CADPS2: variants seen among roughly 807,000 people sequenced by gnomAD.
CADPS2 encodes the protein calcium dependent secretion activator 2, also known as calcium-dependent secretion activator 2.
CADPS2 carries 93 observed loss-of-function variants against 172.5 expected under a neutral mutation model. The ratio of observed to expected loss-of-function variants is 0.54; its 90% CI spans 0.46 to 0.64. The LOEUF is 0.64. Ranked by LOEUF, CADPS2 falls within the 30% of genes least tolerant of loss-of-function variation. The pLI is 0.00. For synonymous variants in CADPS2, 546 were observed against 555.2 expected (o/e 0.98, Z 0.23); for missense variants, 1,420 against 1,565.9 (o/e 0.91, Z 1.57).
intron 1 of CADPS2, among the ~76,000 whole-genome samples, chr7:122,876,180 T>A (rs1280463821): frequency 1.3e-5 from 2 of 151,836 alleles, no homozygotes; most frequent in Admixed American, 6.6e-5. Context: ...ATTAGCCGGG[T>A]GTGGTGGTGC....
intron 3 of CADPS2, among the ~76,000 whole-genome samples, chr7:122,646,971 A>T (rs2078630616): frequency 6.6e-6 from 1 of 152,284 alleles, no homozygotes; most frequent in South Asian, 2.1e-4. Context: ...AAGGCAATAA[A>T]AAAGGAAGGG....
At position 122,401,013 on chromosome 7, in the gene CADPS2, T is replaced by C. The variant is rs549299322; in HGVS notation, c.2746+6527A>G. ...CTTCATTTCTTAATGAGTTTTTTGATAATGAGAGGTGACTTTGCCAGTCAC... is the reference window on the plus strand; with the variant it reads ...CTTCATTTCTTAATGAGTTTTTTGACAATGAGAGGTGACTTTGCCAGTCAC... On this transcript the variant is annotated intron_variant, in intron 20 of 29. Transcript: ENST00000449022. Among the ~76,000 whole-genome samples the C allele has an allele frequency of 9.2e-5, 14 of 152,328 alleles. No individual in the cohort carries two copies. The South Asian group carries it at 1.7e-3, about 18-fold the overall frequency.
chr7:122,320,339 C>A lies in CADPS2; in HGVS notation c.3718-1G>T. 6.3e-7 allele frequency: 1 copy of A among 1,590,278 alleles called. No individual in the cohort carries two copies. The highest frequency in any genetic ancestry group is 1.4e-5 in the African/African-American group (1 of 73,934). ...GCAATCGAAAGTCCCTGTAGGTTTT[C>A]TGAAGAAAGAAGATAAAATTTGCTT... On this transcript the variant is annotated splice_acceptor_variant, in intron 29 of 29. Transcript: ENST00000449022. LOFTEE classifies it high-confidence loss of function.
intron 1 of CADPS2, among the ~76,000 whole-genome samples, chr7:122,753,392 AC>A (rs2093028638): frequency 1.3e-5 from 2 of 152,216 alleles, no homozygotes; most frequent in African/African-American, 4.8e-5. Flanking sequence ...AACTGCCTCA[AC>A]TTTTATTTAA....
intron 7 of CADPS2, among the ~76,000 whole-genome samples, chr7:122,568,690 AAAAAT>A (rs1459917684): frequency 6.6e-6 from 1 of 152,164 alleles, no homozygotes; most frequent in Non-Finnish European, 1.5e-5. Flanking sequence ...AAAATTAACT[AAAAAT>A]AAATCAAAGA....
intron 2 of CADPS2, among the ~76,000 whole-genome samples, chr7:122,687,436 TAAGA>T: frequency 6.6e-6 from 1 of 152,328 alleles, no homozygotes; most frequent in East Asian, 1.9e-4. Flanking sequence ...GGGTAGTGGT[TAAGA>T]CCATGAGCTG....
chr7:122,412,047 C>T (rs1201046522), intron 19 of CADPS2, among the ~76,000 whole-genome samples: 1 of 152,122 alleles, frequency 6.6e-6, no homozygotes, highest in African/African-American at 2.4e-5. Flanking sequence ...CATGCTCATG[C>T]AATTGGTTTT....
intron 17 of CADPS2, among the ~76,000 whole-genome samples, chr7:122,431,815 C>T (rs2049955024): frequency 1.3e-5 from 2 of 151,278 alleles, no homozygotes; most frequent in African/African-American, 4.9e-5. Context: ...ATGGTGAAAC[C>T]CCGGCTCTAC....
intron 1 of CADPS2, among the ~76,000 whole-genome samples, chr7:122,815,903 T>C (rs1012091388): frequency 2.6e-5 from 4 of 152,216 alleles, no homozygotes; most frequent in South Asian, 2.1e-4. Context: ...TGATACCTAA[T>C]AGTTGTACAT....
At chr7:122,705,599 ATATAT>A (rs1348439441) in intron 2 of CADPS2, among the ~76,000 whole-genome samples, 16 of 108,574 alleles carry the variant, frequency 1.5e-4, no homozygotes, top group African/African-American at 3.0e-4. Context: ...AATATATTTT[ATATAT>A]TATATAACAT....
intron 1 of CADPS2, among the ~76,000 whole-genome samples, chr7:122,737,809 G>C (rs2092259513): frequency 6.6e-6 from 1 of 152,120 alleles, no homozygotes; most frequent in Admixed American, 6.6e-5. Context: ...GAGGAGCTTA[G>C]AGATGAGGGA....
chr7:122,470,536 C>T (rs776577158), intron 14 of CADPS2, among the ~76,000 whole-genome samples: 3 of 151,776 alleles, frequency 2.0e-5, no homozygotes, highest in Non-Finnish European at 4.4e-5. Flanking sequence ...GTTCTGTTAC[C>T]TAGGCTGGAG....
chr7:122,593,742 G>A (rs897641399), intron 6 of CADPS2, among the ~76,000 whole-genome samples: 2 of 151,726 alleles, frequency 1.3e-5, no homozygotes, highest in African/African-American at 4.8e-5. Context: ...AAGAGAGAGA[G>A]CAATAGAGAC....
chr7:122,778,822 T>C (rs1201048110), intron 1 of CADPS2, among the ~76,000 whole-genome samples: 7 of 152,192 alleles, frequency 4.6e-5, no homozygotes, highest in Non-Finnish European at 8.8e-5. Context: ...GCATGATTAG[T>C]TTTAAAATGT....
intron 23 of CADPS2, 140 bp from the exon 24 acceptor site, chr7:122,387,313 T>A: frequency 3.9e-6 from 3 of 763,920 alleles, no homozygotes; most frequent in South Asian, 3.8e-5. Flanking sequence ...GCTTGGGAGC[T>A]AAGGGGTGGG....
intron 1 of CADPS2, among the ~76,000 whole-genome samples, chr7:122,819,937 G>A (rs1267429282): frequency 6.6e-6 from 1 of 152,050 alleles, no homozygotes; most frequent in Admixed American, 6.5e-5. Context: ...GCTTTAAAAA[G>A]ATTAAAGCCT....
At chr7:122,414,492 C>T (rs909750484) in intron 18 of CADPS2, among the ~76,000 whole-genome samples, 1 of 152,064 alleles carries the variant, frequency 6.6e-6, no homozygotes. Context: ...AAAGACAAAA[C>T]ATACATATAT....
intron 7 of CADPS2, among the ~76,000 whole-genome samples, chr7:122,558,299 A>C (rs1207110000): frequency 6.6e-6 from 1 of 152,208 alleles, no homozygotes; most frequent in Non-Finnish European, 1.5e-5. Flanking sequence ...AATATTTAAC[A>C]GATATAAAAG....
chr7:122,864,516 C>T (rs769351018), intron 1 of CADPS2, among the ~76,000 whole-genome samples: 22 of 151,974 alleles, frequency 1.4e-4, no homozygotes, highest in Non-Finnish European at 2.5e-4. Context: ...ACTTATGTCA[C>T]ATGGCCACTT....
Sources: allele counts gnomAD v4.1 joint callset (sites outside exome capture counted in the v4.1 genomes callset), GRCh38; gene constraint gnomAD v4.1.1; transcripts MANE v1.5; gene names NCBI Gene and HGNC (gene_info 2026-07-23, HGNC 2026-07-21).